INTS9: variants seen among roughly 807,000 people sequenced by gnomAD.
INTS9 encodes protein related to CPSF subunits of 74 kDa.
INTS9 carries 55 observed loss-of-function variants against 79.7 expected under a neutral mutation model. The ratio of observed to expected loss-of-function variants is 0.69; its 90% CI spans 0.56 to 0.86. The LOEUF is 0.86. Among genes scored for constraint, INTS9 ranks in the 40% least tolerant of loss-of-function variants. The pLI, the probability that INTS9 is intolerant of heterozygous loss-of-function variation, is 0.00. For missense variants in INTS9, 721 were observed against 831.5 expected (o/e 0.87, Z 1.64); for synonymous variants, 319 against 325.2 (o/e 0.98, Z 0.20).
intron 6 of INTS9, among the ~76,000 whole-genome samples, chr8:28,820,748 CTG>C (rs1805783230): frequency 6.6e-6 from 1 of 152,148 alleles, no homozygotes; most frequent in Non-Finnish European, 1.5e-5. Flanking sequence ...CTACTGAAGA[CTG>C]AGTTTCAGAC....
intron 4 of INTS9, among the ~76,000 whole-genome samples, chr8:28,840,751 A>G (rs1807130905): frequency 7.7e-6 from 1 of 130,222 alleles, no homozygotes; most frequent in East Asian, 2.3e-4. Context: ...ATGAGAACAC[A>G]TGGACACAGG....
chr8:28,889,083 T>C (rs975545664), intron 1 of INTS9, among the ~76,000 whole-genome samples: 1 of 152,110 alleles, frequency 6.6e-6, no homozygotes, highest in Non-Finnish European at 1.5e-5. Flanking sequence ...AGAAACAGTG[T>C]TTCACACCTG....
At chr8:28,888,573 T>C (rs1233472831) in intron 1 of INTS9, among the ~76,000 whole-genome samples, 2 of 152,174 alleles carry the variant, frequency 1.3e-5, no homozygotes, top group Non-Finnish European at 2.9e-5. Context: ...ATAATAACTT[T>C]GGTTTACTTT....
At chr8:28,830,717 A>C (rs1806431398) in intron 6 of INTS9, among the ~76,000 whole-genome samples, 1 of 152,026 alleles carries the variant, frequency 6.6e-6, no homozygotes, top group East Asian at 1.9e-4. Context: ...AAGAGGACAC[A>C]GCTATGGAGT....
At chr8:28,818,888 T>C (rs1364259635) in intron 6 of INTS9, among the ~76,000 whole-genome samples, 4 of 151,930 alleles carry the variant, frequency 2.6e-5, no homozygotes, top group Non-Finnish European at 1.5e-5. Flanking sequence ...TGGGAGGGTG[T>C]ATGTGTCGAG....
intron 6 of INTS9, among the ~76,000 whole-genome samples, chr8:28,834,682 T>G (rs1806695685): frequency 6.6e-6 from 1 of 151,700 alleles, no homozygotes; most frequent in Non-Finnish European, 1.5e-5. Flanking sequence ...ATCTGTTTTT[T>G]TTTTTTTTTT....
intron 14 of INTS9, among the ~76,000 whole-genome samples, chr8:28,772,223 T>C (rs1585321185): frequency 6.6e-6 from 1 of 152,326 alleles, no homozygotes; most frequent in East Asian, 1.9e-4. Flanking sequence ...CCTCCATTAA[T>C]GATCAAAGAC....
chr8:28,860,642 G>A (rs971660159), intron 1 of INTS9, among the ~76,000 whole-genome samples: 3 of 152,048 alleles, frequency 2.0e-5, no homozygotes, highest in Non-Finnish European at 4.4e-5. Flanking sequence ...ATGCCTGGCT[G>A]GTTGTTTTGT....
intron 3 of INTS9, chr8:28,850,010 G>C: frequency 2.3e-6 from 1 of 433,696 alleles, no homozygotes; most frequent in South Asian, 6.4e-5. Context: ...AAATGGATCT[G>C]AATCAGAACA....
intron 6 of INTS9, among the ~76,000 whole-genome samples, chr8:28,818,546 C>T (rs939388299): frequency 5.9e-5 from 9 of 152,070 alleles, no homozygotes; most frequent in South Asian, 2.1e-4. Flanking sequence ...ATGCTGGATT[C>T]GGTTTGCCAG....
chr8:28,805,439 TC>T (rs1317610324), intron 8 of INTS9, among the ~76,000 whole-genome samples: 1 of 152,214 alleles, frequency 6.6e-6, no homozygotes. Flanking sequence ...CCTCAAGCAT[TC>T]CTGGAAGAAG....
chr8:28,845,654 T>C (rs1199201964), intron 4 of INTS9, among the ~76,000 whole-genome samples: 2 of 152,166 alleles, frequency 1.3e-5, no homozygotes, highest in Non-Finnish European at 2.9e-5. Flanking sequence ...GGATTAGGAA[T>C]CTTCAAACAG....
intron 8 of INTS9, chr8:28,809,990 T>C (rs780719400): frequency 1.3e-5 from 2 of 152,224 alleles, no homozygotes; most frequent in Non-Finnish European, 2.9e-5. Context: ...GACTTAGCCA[T>C]TCCATAATGC....
chr8:28,889,803 A>G, intron 1 of INTS9, 71 bp downstream of exon 1: 2 of 1,580,664 alleles, frequency 1.3e-6, no homozygotes, highest in Non-Finnish European at 1.7e-6. Flanking sequence ...TCCCTGCCCA[A>G]CGTAGGAAAA....
At chr8:28,774,032 CTTGAACTCCTGACCTCA>C (rs1419723390) in intron 14 of INTS9, among the ~76,000 whole-genome samples, 1 of 152,156 alleles carries the variant, frequency 6.6e-6, no homozygotes, top group Non-Finnish European at 1.5e-5. Flanking sequence ...CCAGGCTAGT[CTTGAACTCCTGACCTCA>C]TTGTCCACCC....
chr8:28,777,765 C>T, intron 13 of INTS9, 64 bp downstream of exon 13: 1 of 1,516,800 alleles, frequency 6.6e-7, no homozygotes, highest in Non-Finnish European at 8.8e-7. Context: ...CCTCACCCCA[C>T]ACAAGCATGA....
At chr8:28,881,511 C>G (rs1585534719) in intron 1 of INTS9, among the ~76,000 whole-genome samples, 2 of 124,298 alleles carry the variant, frequency 1.6e-5, no homozygotes, top group Admixed American at 7.7e-5. Context: ...CCAGCCGCCC[C>G]GTCCGGGAGG....
intron 1 of INTS9, among the ~76,000 whole-genome samples, chr8:28,869,424 T>C (rs1193470425): frequency 1.3e-5 from 2 of 152,154 alleles, no homozygotes; most frequent in Non-Finnish European, 2.9e-5. Flanking sequence ...CATCCAAGTA[T>C]AAACATTCGC....
chr8:28,813,692 T>G, intron 6 of INTS9, 80 bp from the exon 7 acceptor site: 2 of 1,497,366 alleles, frequency 1.3e-6, no homozygotes, highest in Non-Finnish European at 1.8e-6. Flanking sequence ...AATTTGTCCA[T>G]TTGATCCAAA....
Sources: gnomAD v4.1 joint callset for allele counts (sites outside exome capture counted in the v4.1 genomes callset) on GRCh38, gnomAD v4.1.1 for gene constraint, MANE v1.5 for transcripts, NCBI Gene and HGNC (gene_info 2026-07-23, HGNC 2026-07-21) for gene names.